Variants in CCDC171 observed in about 807,000 individuals in gnomAD.
CCDC171 encodes coiled-coil domain-containing protein 171.
A neutral mutation model predicts 168.2 loss-of-function variants in CCDC171; 177 were observed. The ratio of observed to expected loss-of-function variants is 1.05; its 90% CI spans 0.93 to 1.19. The LOEUF (loss-of-function observed/expected upper bound fraction) is 1.19. Ranked by LOEUF, CCDC171 falls within the 50% of genes most tolerant of loss-of-function variation. The pLI, the probability that CCDC171 is intolerant of heterozygous loss-of-function variation, is 0.00. For synonymous variants in CCDC171, 687 were observed against 540.8 expected, an observed-to-expected ratio of 1.27 and a Z score of -3.75; for missense variants, 1,991 against 1,539.0, an observed-to-expected ratio of 1.29 and a Z score of -4.91.
intron 16 of CCDC171, among the ~76,000 whole-genome samples, 159 bp from the exon 17 acceptor site, chr9:15,744,114 C>A (rs1270001462): frequency 1.3e-5 from 2 of 152,098 alleles, no homozygotes; most frequent in Non-Finnish European, 2.9e-5. Context: ...CTCACTGTTG[C>A]CATGTCTATC....
In CCDC171 at chr9:16,008,769, A is replaced by G. The variant is rs150986459; in HGVS notation, n.369-11820A>G. ...ACACCATTTATTGAAGGCATGAGGT[A>G]AGCAGAATGGAATTGCCTTATAGGA... On this transcript the variant is annotated intron_variant and non_coding_transcript_variant, in intron 3 of 9. Transcript: ENST00000486641. 1.5e-3 allele frequency among the ~76,000 whole-genome samples: 223 copies of G among 152,302 alleles called. 1 individual carries two copies. Among genetic ancestry groups the G allele is most frequent in the African/African-American group, 5.1e-3 (214 of 41,570 alleles).
At chr9:15,954,147 C>G (rs908166095) in intron 25 of CCDC171, among the ~76,000 whole-genome samples, 2 of 129,946 alleles carry the variant, frequency 1.5e-5, no homozygotes, top group Non-Finnish European at 3.5e-5. Flanking sequence ...CCTCTACTTA[C>G]TTTCTTTTTT....
intron 16 of CCDC171, among the ~76,000 whole-genome samples, chr9:15,741,062 T>C (rs2054846572): frequency 1.3e-5 from 2 of 152,226 alleles, no homozygotes; most frequent in Admixed American, 1.3e-4. Flanking sequence ...TGGGGTTTTC[T>C]CTTCCATTAT....
intron 21 of CCDC171, among the ~76,000 whole-genome samples, chr9:15,804,173 C>A (rs926821397): frequency 2.6e-5 from 4 of 152,122 alleles, no homozygotes; most frequent in African/African-American, 9.7e-5. Context: ...ATGTCATCTG[C>A]AAACAAAGAT....
intron 23 of CCDC171, among the ~76,000 whole-genome samples, chr9:15,870,347 G>A (rs370652686): frequency 3.0e-4 from 45 of 151,958 alleles, no homozygotes; most frequent in African/African-American, 9.9e-4. Context: ...CAACATGAAT[G>A]CAGGATAATG....
chr9:15,729,729 G>A lies in CCDC171; in HGVS notation c.1980G>A (p.Trp660Ter). The A allele has an allele frequency of 1.2e-6, 2 of 1,613,446 alleles. No individual in the cohort carries two copies. The highest frequency in any genetic ancestry group is 1.3e-5 in the African/African-American group (1 of 75,000). ...AGATCAAAGCCCAAGAGAGCTGCTG[G>A]CACAGACAAAAGAAGGAACTAGAGC... ...AEQIKAQESC[W>*]HRQKKELELQ... Residue 660 changes from tryptophan to a stop codon, truncating the protein, a stop_gained, in exon 16 of 26, where the codon TGG becomes TGA. Coordinates refer to ENST00000380701, the MANE Select transcript of CCDC171 (RefSeq NM_173550.4). LOFTEE classifies it high-confidence loss of function.
At chr9:16,105,485 A>G in the CCDC171 span, among the ~76,000 whole-genome samples, 2 of 152,140 alleles carry the variant, frequency 1.3e-5, 1 homozygote, top group South Asian at 4.1e-4. Context: ...GGCACTGGTC[A>G]CAAATTCAAA....
At chr9:15,944,904 A>C (rs565447352) in intron 25 of CCDC171, among the ~76,000 whole-genome samples, 1 of 119,374 alleles carries the variant, frequency 8.4e-6, no homozygotes, top group South Asian at 2.5e-4. Context: ...ATTATACTTT[A>C]AGTTTTAGGG....
At chr9:15,895,855 A>G (rs1226579690) in intron 24 of CCDC171, among the ~76,000 whole-genome samples, 2 of 152,020 alleles carry the variant, frequency 1.3e-5, no homozygotes, top group African/African-American at 4.8e-5. Context: ...TTAAATTTCT[A>G]AGTCCCTAAA....
intron 6 of CCDC171, among the ~76,000 whole-genome samples, chr9:15,595,832 T>C (rs370873432): frequency 3.5e-4 from 54 of 152,292 alleles, no homozygotes; most frequent in African/African-American, 1.2e-3. Context: ...TTTTAATGAT[T>C]GCCATTCTAA....
rs971777234 is a variant in CCDC171, at chr9:15,688,706, A to G, written c.1216-6529A>G. On this transcript the variant is annotated intron_variant, in intron 10 of 25. Coordinates refer to ENST00000380701, the MANE Select transcript of CCDC171 (RefSeq NM_173550.4). Reference sequence around the variant, plus strand: ...AGAATACAAGGAAGCTTCCTCCTCAACCTCAAGAAGAGCATCTATAGAAAA... The same window carrying G: ...AGAATACAAGGAAGCTTCCTCCTCAGCCTCAAGAAGAGCATCTATAGAAAA... Among the ~76,000 whole-genome samples, 114 of 152,248 alleles carry G rather than the reference A, an allele frequency of 7.5e-4. 1 individual carries two copies. The highest frequency in any genetic ancestry group is 2.5e-3 in the African/African-American group (105 of 41,558).
chr9:15,683,038 G>T (rs376902857), intron 10 of CCDC171, among the ~76,000 whole-genome samples: 1 of 151,872 alleles, frequency 6.6e-6, no homozygotes, highest in African/African-American at 2.4e-5. Flanking sequence ...ATTAGAACTT[G>T]CTCTGTGCTT....
chr9:16,067,363 C>T, the CCDC171 span, among the ~76,000 whole-genome samples: 2 of 151,992 alleles, frequency 1.3e-5, no homozygotes, highest in Admixed American at 6.5e-5. Flanking sequence ...TGGATATTAG[C>T]CCTTTGTCAG....
At chr9:15,988,391 G>T (rs1445547392) in intron 3 of CCDC171, among the ~76,000 whole-genome samples, 1 of 152,186 alleles carries the variant, frequency 6.6e-6, no homozygotes, top group Non-Finnish European at 1.5e-5. Flanking sequence ...AGAATCATTT[G>T]TCTCATTATT....
At chr9:15,868,079 A>G (rs2061867102) in intron 23 of CCDC171, among the ~76,000 whole-genome samples, 1 of 151,838 alleles carries the variant, frequency 6.6e-6, no homozygotes, top group Non-Finnish European at 1.5e-5. Flanking sequence ...CAGTTTTTTT[A>G]TTTCTGTAAT....
At chr9:15,906,735 C>T (rs567452293) in intron 24 of CCDC171, among the ~76,000 whole-genome samples, 108 of 152,238 alleles carry the variant, frequency 7.1e-4, no homozygotes, top group African/African-American at 1.4e-3. Flanking sequence ...GTCAAATTGT[C>T]CCTGTTTGCA....
the CCDC171 span, among the ~76,000 whole-genome samples, chr9:16,076,088 G>A: frequency 1.3e-5 from 2 of 151,978 alleles, no homozygotes; most frequent in African/African-American, 4.8e-5. Flanking sequence ...GTGTAGAGGA[G>A]GTAGAGGGGT....
downstream of CCDC171, among the ~76,000 whole-genome samples, chr9:16,066,039 G>T (rs1013962795): frequency 3.5e-4 from 54 of 152,208 alleles, no homozygotes; most frequent in Non-Finnish European, 6.2e-4. Flanking sequence ...CCCAATCTAG[G>T]TCCTTTCCGT....
intron 11 of CCDC171, among the ~76,000 whole-genome samples, chr9:15,712,465 A>G (rs2052741429): frequency 6.6e-6 from 1 of 152,194 alleles, no homozygotes; most frequent in Non-Finnish European, 1.5e-5. Context: ...CTATGGAAAC[A>G]ATCTTATTTC....
Sources: allele counts gnomAD v4.1 joint callset (sites outside exome capture counted in the v4.1 genomes callset), GRCh38; gene constraint gnomAD v4.1.1; transcripts MANE v1.5; gene names NCBI Gene and HGNC (gene_info 2026-07-23, HGNC 2026-07-21).